Variants in GRAMD4 observed in about 807,000 individuals in gnomAD.
GRAMD4 encodes the protein GRAM domain-containing protein 4.
A neutral mutation model predicts 83.9 loss-of-function variants in GRAMD4; 25 were observed. That is an observed-to-expected ratio of 0.30 (90% CI 0.22 to 0.42). The LOEUF is 0.42. GRAMD4 is among the 10% of genes least tolerant of loss of function. The pLI is 1.00. For synonymous variants in GRAMD4, 336 were observed against 320.9 expected, an observed-to-expected ratio of 1.05 and a Z score of -0.50; for missense variants, 593 against 788.7, an observed-to-expected ratio of 0.75 and a Z score of 2.97.
rs1054141431 is a variant in GRAMD4, at chr22:46,672,225, G to A, written c.1085-618G>A. Among the ~76,000 whole-genome samples, 9 of 152,352 alleles carry A rather than the reference G, an allele frequency of 5.9e-5. No homozygotes were observed. Among genetic ancestry groups the A allele is most frequent in the African/African-American group, 2.2e-4 (9 of 41,578 alleles). On this transcript the variant is annotated intron_variant, in intron 13 of 18. Transcript: ENST00000406902. This position sits in a 1 kb window ranked among gnomAD's most constrained non-coding sequence, Gnocchi z 4.7. ...AGTCAGGCCTGGCTCTTCTGAGGTC[G>A]TGTTTAGTAGGGGGACTGACCATGA...
chr22:46,643,132 C>T (rs1455810117), intron 3 of GRAMD4, among the ~76,000 whole-genome samples: 24 of 134,638 alleles, frequency 1.8e-4, no homozygotes, highest in South Asian at 2.5e-4. Context: ...TGCATCCATC[C>T]ATGCATCCTT....
At chr22:46,578,286 G>T (rs942162611) in intron 1 of GRAMD4, among the ~76,000 whole-genome samples, 1 of 152,176 alleles carries the variant, frequency 6.6e-6, no homozygotes, top group Non-Finnish European at 1.5e-5. Flanking sequence ...GCCCTGCCCT[G>T]GTGCTGGGCC....
chr22:46,676,702 G>T, intron 18 of GRAMD4, 34 bp downstream of exon 18: 2 of 1,538,126 alleles, frequency 1.3e-6, no homozygotes, highest in South Asian at 1.2e-5. Context: ...CAAGGGGTTG[G>T]TGTGGGCCCA....
chr22:46,676,317 G>A (rs1221460152), intron 17 of GRAMD4, among the ~76,000 whole-genome samples: 4 of 152,194 alleles, frequency 2.6e-5, no homozygotes, highest in Non-Finnish European at 5.9e-5. Context: ...GGGGCTGAGT[G>A]CCTACCGTCA....
downstream of GRAMD4, chr22:46,682,511 C>G: frequency 1.1e-6 from 1 of 896,046 alleles, no homozygotes; most frequent in South Asian, 5.1e-5. Flanking sequence ...GAACTCACCC[C>G]AGAACCCTCG....
intron 4 of GRAMD4, among the ~76,000 whole-genome samples, chr22:46,660,711 G>A (rs939829321): frequency 5.3e-5 from 8 of 152,120 alleles, no homozygotes; most frequent in Admixed American, 4.6e-4. Context: ...TTACCTGGCC[G>A]TGCCCTGTGT....
intron 1 of GRAMD4, among the ~76,000 whole-genome samples, chr22:46,578,838 A>T (rs758492918): frequency 2.6e-5 from 4 of 152,058 alleles, no homozygotes; most frequent in Non-Finnish European, 5.9e-5. Flanking sequence ...CTTGGCAGCC[A>T]TGTGGACCCT....
chr22:46,643,673 G>A (rs976742187), intron 3 of GRAMD4, among the ~76,000 whole-genome samples: 5 of 152,080 alleles, frequency 3.3e-5, no homozygotes, highest in Non-Finnish European at 5.9e-5. Flanking sequence ...TGATATTGAC[G>A]TTTTTGAAGA....
At chr22:46,651,910 C>T (rs540592512) in intron 3 of GRAMD4, among the ~76,000 whole-genome samples, 1 of 152,230 alleles carries the variant, frequency 6.6e-6, no homozygotes, top group South Asian at 2.1e-4. Flanking sequence ...GGCTCCTGGA[C>T]CCACTAAAGG....
downstream of GRAMD4, among the ~76,000 whole-genome samples, chr22:46,680,601 CCCATTCAT>C (rs1161585808): frequency 8.3e-6 from 1 of 120,624 alleles, no homozygotes; most frequent in African/African-American, 3.2e-5. Flanking sequence ...CATCCACCCA[CCCATTCAT>C]CCATCCACCC....
downstream of GRAMD4, chr22:46,682,408 C>T: frequency 1.0e-6 from 1 of 984,596 alleles, no homozygotes; most frequent in Non-Finnish European, 1.2e-6. Context: ...CCGAAATTCA[C>T]AGGTAAATCA....
chr22:46,675,373 C>A, intron 16 of GRAMD4, 95 bp from the exon 17 acceptor site: 2 of 817,378 alleles, frequency 2.4e-6, no homozygotes, highest in Non-Finnish European at 4.4e-6. Context: ...GTCCATCCCA[C>A]TGGGGGCTGA....
chr22:46,654,490 G>A (rs17821649), intron 3 of GRAMD4, among the ~76,000 whole-genome samples: 33,164 of 152,168 alleles, frequency 0.22, 4,407 homozygotes, highest in East Asian at 0.38. Flanking sequence ...TGCCAGAGCC[G>A]GCCCTCAAGT....
At chr22:46,580,665 G>A (rs920033346) in intron 1 of GRAMD4, among the ~76,000 whole-genome samples, 20 of 152,100 alleles carry the variant, frequency 1.3e-4, no homozygotes, top group African/African-American at 4.6e-4. Context: ...CAGAGGTGGC[G>A]CAAGAAAATG....
chr22:46,618,119 G>C (rs1394455689), upstream of GRAMD4, among the ~76,000 whole-genome samples: 4 of 151,912 alleles, frequency 2.6e-5, no homozygotes, highest in East Asian at 7.7e-4. This position sits in a 1 kb window ranked among gnomAD's most constrained non-coding sequence, Gnocchi z 5.8. Context: ...CTGCCTTTGT[G>C]TGTCGCTCCC....
intron 1 of GRAMD4, among the ~76,000 whole-genome samples, chr22:46,601,344 G>A (rs888709581): frequency 5.9e-5 from 9 of 152,142 alleles, no homozygotes; most frequent in South Asian, 2.1e-4. Flanking sequence ...GAATAGTTTC[G>A]ACCTTGTGGG....
In GRAMD4 at chr22:46,679,216, C is replaced by T; in HGVS notation, c.*1965C>T. 1.0e-6 allele frequency: 1 copy of T among 985,564 alleles called. No homozygotes were observed. Among genetic ancestry groups the T allele is most frequent in the Non-Finnish European group, 1.2e-6 (1 of 829,998 alleles). 61.1% of individuals were successfully genotyped at this position (985,564 alleles called of 1,614,324 possible). ...GCCAATGAGCGCCTCTTCCTAGGTG[C>T]TGGGATTCAGTCCCCAAACACAGCG... On this transcript the variant is annotated 3_prime_UTR_variant, in exon 19 of 19. Coordinates refer to ENST00000406902, the MANE Select transcript of GRAMD4 (RefSeq NM_015124.5).
intron 2 of GRAMD4, among the ~76,000 whole-genome samples, chr22:46,627,649 A>G (rs1032032122): frequency 1.3e-5 from 2 of 152,176 alleles, no homozygotes; most frequent in African/African-American, 2.4e-5. Flanking sequence ...CCCCGCATGC[A>G]CACACCAAAT....
intron 2 of GRAMD4, among the ~76,000 whole-genome samples, chr22:46,630,815 G>A (rs1351976034): frequency 6.6e-6 from 1 of 152,242 alleles, no homozygotes; most frequent in East Asian, 1.9e-4. Context: ...GTGCTGGACC[G>A]AGTGTGCCTG....
Sources: gnomAD v4.1 joint callset for allele counts (sites outside exome capture counted in the v4.1 genomes callset) on GRCh38, gnomAD v4.1.1 for gene constraint, Gnocchi (gnomAD v3.1) non-coding constraint, MANE v1.5 for transcripts, NCBI Gene and HGNC (gene_info 2026-07-23, HGNC 2026-07-21) for gene names.